Variants in LHFPL3 observed in about 807,000 individuals in gnomAD.
LHFPL3 encodes LHFPL tetraspan subfamily member 3 protein.
LHFPL3 carries 5 observed loss-of-function variants against 19.3 expected under a neutral mutation model. The ratio of observed to expected loss-of-function variants is 0.26; its 90% CI spans 0.14 to 0.54. The LOEUF is 0.54. LHFPL3 is among the 20% of genes least tolerant of loss of function. The probability of loss-of-function intolerance (pLI) is 0.94; values close to 1 mark genes in which losing one functional copy is unlikely to be tolerated. For synonymous variants in LHFPL3, 133 were observed against 126.2 expected, an observed-to-expected ratio of 1.05 and a Z score of -0.36; for missense variants, 249 against 307.4, an observed-to-expected ratio of 0.81 and a Z score of 1.42.
At chr7:104,898,360 GAC>G (rs781462297) in intron 2 of LHFPL3, among the ~76,000 whole-genome samples, 4 of 152,010 alleles carry the variant, frequency 2.6e-5, no homozygotes, top group Non-Finnish European at 4.4e-5. Context: ...AAGTTCTCAA[GAC>G]ACACAGTAAC....
At chr7:104,392,450 G>T (rs567973288) in intron 1 of LHFPL3, among the ~76,000 whole-genome samples, 50 of 151,870 alleles carry the variant, frequency 3.3e-4, no homozygotes, top group African/African-American at 1.1e-3. Flanking sequence ...TAATCATGTG[G>T]TTTTTGTCTT....
intron 1 of LHFPL3, among the ~76,000 whole-genome samples, chr7:104,678,775 A>G (rs1433582191): frequency 1.3e-5 from 2 of 152,250 alleles, no homozygotes; most frequent in African/African-American, 4.8e-5. Context: ...TTACATTGCA[A>G]TTAACTCTGC....
intron 1 of LHFPL3, among the ~76,000 whole-genome samples, chr7:104,579,988 A>G (rs1266666942): frequency 6.6e-6 from 1 of 152,190 alleles, no homozygotes; most frequent in African/African-American, 2.4e-5. Context: ...TTTGTAATGG[A>G]ATTCTTACTC....
chr7:104,812,803 C>CAAAAAAAAAAAA (rs59809377), intron 2 of LHFPL3, among the ~76,000 whole-genome samples: 9 of 31,336 alleles, frequency 2.9e-4, no homozygotes, highest in East Asian at 1.2e-3. Context: ...GACTCCATCT[C>CAAAAAAAAAAAA]AAAAAAAAAA....
rs910405458 is a variant in LHFPL3 at position 104,627,577 on chromosome 7, A to G, written c.446-109098A>G. Among the ~76,000 whole-genome samples the G allele has an allele frequency of 4.6e-5, 7 of 152,314 alleles. No homozygotes were observed. The East Asian group carries it at 1.2e-3, about 25-fold the overall frequency. Reference sequence around the variant, plus strand: ...ATCTTTGTGTCATCCCAACAGCCCCAAAGGATTCTTACTCAGAAGTTAAAA... The same window carrying G: ...ATCTTTGTGTCATCCCAACAGCCCCGAAGGATTCTTACTCAGAAGTTAAAA... On this transcript the variant is annotated intron_variant, in intron 1 of 2. Transcript: ENST00000424859.
chr7:104,727,990 G>C (rs949660035), intron 1 of LHFPL3, among the ~76,000 whole-genome samples: 4 of 152,158 alleles, frequency 2.6e-5, no homozygotes, highest in African/African-American at 9.7e-5. Context: ...AAGGCCTAAA[G>C]TAGGGGCGTG....
At chr7:104,689,052 C>T (rs1400495234) in intron 1 of LHFPL3, among the ~76,000 whole-genome samples, 1 of 152,142 alleles carries the variant, frequency 6.6e-6, no homozygotes, top group Non-Finnish European at 1.5e-5. Context: ...CTACTCATCC[C>T]AGCTGGGAGG....
intron 1 of LHFPL3, among the ~76,000 whole-genome samples, chr7:104,408,864 C>CTTTTTTTTCT (rs1791475803): frequency 1.9e-5 from 2 of 105,436 alleles, no homozygotes; most frequent in Admixed American, 1.2e-4. Flanking sequence ...AATTTTCTTT[C>CTTTTTTTTCT]TTTTTTTTTT....
chr7:104,893,747 T>A (rs1489966755), intron 2 of LHFPL3, among the ~76,000 whole-genome samples: 2 of 151,828 alleles, frequency 1.3e-5, no homozygotes, highest in Non-Finnish European at 2.9e-5. Flanking sequence ...AGGTCAGGAG[T>A]TCGAGACCAG....
At chr7:104,863,911 C>A (rs866709449) in intron 2 of LHFPL3, among the ~76,000 whole-genome samples, 1 of 152,240 alleles carries the variant, frequency 6.6e-6, no homozygotes, top group African/African-American at 2.4e-5. Flanking sequence ...GGAGGAAACA[C>A]CTCCCCTTCT....
intron 1 of LHFPL3, among the ~76,000 whole-genome samples, chr7:104,726,199 A>G (rs1347556518): frequency 6.6e-6 from 1 of 152,008 alleles, no homozygotes; most frequent in East Asian, 1.9e-4. Flanking sequence ...CATGAACCTT[A>G]TTTTAGAGTG....
chr7:104,688,232 G>A (rs1391652869), intron 1 of LHFPL3, among the ~76,000 whole-genome samples: 1 of 152,158 alleles, frequency 6.6e-6, no homozygotes, highest in Non-Finnish European at 1.5e-5. Flanking sequence ...AAAAGAAAAG[G>A]ATGAGCTCAG....
chr7:104,598,667 G>T (rs1259626954), intron 1 of LHFPL3, among the ~76,000 whole-genome samples: 1 of 152,322 alleles, frequency 6.6e-6, no homozygotes, highest in Admixed American at 6.5e-5. Context: ...ACCAGAGAAA[G>T]CTTCATCATA....
At chr7:104,570,603 G>A (rs1790213732) in intron 1 of LHFPL3, among the ~76,000 whole-genome samples, 1 of 152,148 alleles carries the variant, frequency 6.6e-6, no homozygotes, top group African/African-American at 2.4e-5. Flanking sequence ...TCCAGTACCT[G>A]TCGCTGTTTG....
At chr7:104,834,994 C>T (rs1289262702) in intron 2 of LHFPL3, among the ~76,000 whole-genome samples, 1 of 151,916 alleles carries the variant, frequency 6.6e-6, no homozygotes, top group African/African-American at 2.4e-5. Flanking sequence ...GTCATTCTTT[C>T]TTCCTTGCAT....
chr7:104,898,307 G>A lies in LHFPL3; in HGVS notation c.683-7880G>A, dbSNP rs911403779. Among the ~76,000 whole-genome samples, 5 of 151,694 alleles carry A rather than the reference G, an allele frequency of 3.3e-5. No homozygotes were observed. The East Asian group carries it at 5.8e-4, about 18-fold the overall frequency. ...CAAGTGTAAGCCACTGTGCCCAGCCGAAATCTCACCCTTTTATATAGCCAG... is the reference window on the plus strand; with the variant it reads ...CAAGTGTAAGCCACTGTGCCCAGCCAAAATCTCACCCTTTTATATAGCCAG... On this transcript the variant is annotated intron_variant, in intron 2 of 2. Coordinates refer to ENST00000424859, the MANE Select transcript of LHFPL3 (RefSeq NM_199000.3).
At chr7:104,414,329 T>C (rs1009015369) in intron 1 of LHFPL3, among the ~76,000 whole-genome samples, 2 of 151,994 alleles carry the variant, frequency 1.3e-5, no homozygotes, top group Non-Finnish European at 2.9e-5. Flanking sequence ...AAATTGCAGC[T>C]GATGAGATTT....
At chr7:104,735,868 T>C (rs1339671479) in intron 1 of LHFPL3, among the ~76,000 whole-genome samples, 1 of 152,238 alleles carries the variant, frequency 6.6e-6, no homozygotes, top group East Asian at 1.9e-4. Flanking sequence ...TCTTTATCAG[T>C]TCATCCATTG....
intron 2 of LHFPL3, among the ~76,000 whole-genome samples, chr7:104,819,166 T>G (rs747772635): frequency 1.3e-5 from 2 of 152,120 alleles, no homozygotes; most frequent in Non-Finnish European, 2.9e-5. Context: ...TGATCCTGCT[T>G]TAAAAAAAAT....
Sources: gnomAD v4.1 joint callset for allele counts (sites outside exome capture counted in the v4.1 genomes callset) on GRCh38, gnomAD v4.1.1 for gene constraint, MANE v1.5 for transcripts, NCBI Gene and HGNC (gene_info 2026-07-23, HGNC 2026-07-21) for gene names.